STPG2: variants seen among roughly 807,000 people sequenced by gnomAD.
The protein encoded by STPG2 is sperm tail PG-rich repeat containing 2.
A neutral mutation model predicts 54.2 loss-of-function variants in STPG2; 56 were observed. The observed-to-expected ratio is 1.03, with a 90% CI of 0.83 to 1.29. The LOEUF is 1.29. Among genes scored for constraint, STPG2 ranks in the 50% most tolerant of loss-of-function variants. STPG2 has a pLI of 0.00. For synonymous variants in STPG2, 200 were observed against 181.8 expected (o/e 1.10, Z -0.81); for missense variants, 596 against 544.9 (o/e 1.09, Z -0.93).
intron 10 of STPG2, among the ~76,000 whole-genome samples, chr4:97,560,891 G>C (rs1171078349): frequency 2.0e-5 from 3 of 151,966 alleles, no homozygotes; most frequent in African/African-American, 7.2e-5. Flanking sequence ...TCATTAGAAA[G>C]AAATGACCCC....
intron 10 of STPG2, among the ~76,000 whole-genome samples, chr4:97,602,926 C>T (rs1422847724): frequency 4.0e-5 from 6 of 151,512 alleles, no homozygotes; most frequent in Non-Finnish European, 5.9e-5. Context: ...TAGACATAAC[C>T]AATGTAGTTC....
chr4:97,591,662 C>T (rs377435089), intron 10 of STPG2, among the ~76,000 whole-genome samples: 1 of 152,078 alleles, frequency 6.6e-6, no homozygotes, highest in East Asian at 1.9e-4. Context: ...CAATGTTGTA[C>T]CCCAGTCTGC....
chr4:97,708,750 T>C (rs186434690), intron 10 of STPG2, among the ~76,000 whole-genome samples: 6 of 151,848 alleles, frequency 4.0e-5, no homozygotes, highest in Admixed American at 3.3e-4. Context: ...ATTACATATA[T>C]GTTAATGCAT....
At chr4:98,019,597 T>G (rs989365581) in intron 5 of STPG2, among the ~76,000 whole-genome samples, 1 of 151,498 alleles carries the variant, frequency 6.6e-6, no homozygotes, top group South Asian at 2.1e-4. Context: ...AATGTATAAA[T>G]TACCTTGGGC....
intron 10 of STPG2, among the ~76,000 whole-genome samples, chr4:97,574,049 A>C (rs1325137464): frequency 2.6e-5 from 4 of 152,150 alleles, no homozygotes; most frequent in Non-Finnish European, 2.9e-5. Context: ...TTCATTTGCC[A>C]TGAAGGTAAC....
At chr4:97,564,211 C>A (rs1275405841) in intron 10 of STPG2, among the ~76,000 whole-genome samples, 1 of 152,046 alleles carries the variant, frequency 6.6e-6, no homozygotes, top group Admixed American at 6.6e-5. Flanking sequence ...CTCTTTTGAT[C>A]TTTGTTGGTT....
intron 8 of STPG2, among the ~76,000 whole-genome samples, chr4:97,859,964 T>C (rs1002938541): frequency 6.6e-6 from 1 of 152,214 alleles, no homozygotes; most frequent in Non-Finnish European, 1.5e-5. Flanking sequence ...TATTCTGGCA[T>C]CATTTGTTGA....
chr4:98,074,561 A>G (rs1397776733), intron 5 of STPG2, among the ~76,000 whole-genome samples: 1 of 152,040 alleles, frequency 6.6e-6, no homozygotes, highest in Non-Finnish European at 1.5e-5. Flanking sequence ...CTAATTACAC[A>G]TATGTTCCAA....
At chr4:97,632,979 CAGGTAGGT>C (rs1014584777) in intron 10 of STPG2, among the ~76,000 whole-genome samples, 2 of 151,852 alleles carry the variant, frequency 1.3e-5, no homozygotes, top group African/African-American at 2.4e-5. Context: ...AGATAGATGG[CAGGTAGGT>C]AGGTAGGTAG....
intron 5 of STPG2, among the ~76,000 whole-genome samples, chr4:98,056,214 A>G (rs1737480337): frequency 6.6e-6 from 1 of 152,114 alleles, no homozygotes; most frequent in Admixed American, 6.5e-5. Context: ...CTGCACAGAG[A>G]ACTCCCACAC....
intron 9 of STPG2, among the ~76,000 whole-genome samples, chr4:97,785,985 C>A (rs1726810891): frequency 6.6e-6 from 1 of 151,966 alleles, no homozygotes; most frequent in Admixed American, 6.6e-5. Flanking sequence ...AATCAAATAA[C>A]GTTTAAGAAC....
At chr4:97,479,075 C>A (rs992076149) in intron 4 of STPG2, among the ~76,000 whole-genome samples, 1 of 151,084 alleles carries the variant, frequency 6.6e-6, no homozygotes, top group Admixed American at 6.6e-5. Context: ...AATATAAAAA[C>A]AAAAAATTTG....
At chr4:97,466,473 T>C (rs1006480635) in intron 4 of STPG2, among the ~76,000 whole-genome samples, 1 of 152,090 alleles carries the variant, frequency 6.6e-6, no homozygotes, top group African/African-American at 2.4e-5. Flanking sequence ...TTTCCATTAA[T>C]GGAAGTGAGC....
chr4:97,616,467 T>A (rs540453065), intron 10 of STPG2, among the ~76,000 whole-genome samples: 1 of 152,180 alleles, frequency 6.6e-6, no homozygotes, highest in East Asian at 1.9e-4. Flanking sequence ...AAAAATAACA[T>A]GATTTTGTAT....
intron 9 of STPG2, among the ~76,000 whole-genome samples, chr4:97,769,486 T>A (rs761162100): frequency 3.3e-5 from 5 of 151,744 alleles, no homozygotes; most frequent in Non-Finnish European, 5.9e-5. Context: ...GTAGTAAAAG[T>A]AAAAAAAATA....
intron 5 of STPG2, among the ~76,000 whole-genome samples, chr4:98,022,094 T>C (rs1736226197): frequency 6.6e-6 from 1 of 152,112 alleles, no homozygotes; most frequent in Non-Finnish European, 1.5e-5. Flanking sequence ...TGTTAGTTGA[T>C]GCAGTTTCTT....
At chr4:98,071,086 C>CA (rs11423018) in intron 5 of STPG2, among the ~76,000 whole-genome samples, 59,867 of 151,006 alleles carry the variant, frequency 0.4, 12,067 homozygotes, top group Middle Eastern at 0.47. Context: ...CATATGGAAC[C>CA]AAAAAAAAGC....
intron 4 of STPG2, among the ~76,000 whole-genome samples, chr4:97,530,854 A>G (rs1282974022): frequency 6.6e-6 from 1 of 152,166 alleles, no homozygotes; most frequent in Non-Finnish European, 1.5e-5. Flanking sequence ...GGGGGACTGG[A>G]GATTTCACAG....
intron 4 of STPG2, among the ~76,000 whole-genome samples, chr4:97,494,985 T>C (rs1730576896): frequency 6.6e-6 from 1 of 151,492 alleles, no homozygotes; most frequent in Admixed American, 6.6e-5. Context: ...TAATGTAAAA[T>C]AATTAACAAA....
Sources: allele counts gnomAD v4.1 joint callset (sites outside exome capture counted in the v4.1 genomes callset), GRCh38; gene constraint gnomAD v4.1.1; transcripts MANE v1.5; gene names NCBI Gene and HGNC (gene_info 2026-07-23, HGNC 2026-07-21).